The following MAP7 variants were observed in gnomAD, a reference collection of about 807,000 sequenced individuals.
MAP7 encodes microtubule associated protein 7, also known as ensconsin.
Under a neutral mutation model 94.8 loss-of-function variants are expected in MAP7, and 52 were observed. The ratio of observed to expected loss-of-function variants is 0.55; its 90% CI spans 0.44 to 0.69. The LOEUF (loss-of-function observed/expected upper bound fraction) is 0.69, where lower values mean the gene tolerates loss of function less well. Among genes scored for constraint, MAP7 ranks in the 30% least tolerant of loss-of-function variants. MAP7 has a pLI of 0.00. For synonymous variants in MAP7, 350 were observed against 357.0 expected (o/e 0.98, Z 0.22); for missense variants, 940 against 964.6 (o/e 0.97, Z 0.34).
intron 1 of MAP7, among the ~76,000 whole-genome samples, chr6:136,547,703 T>C (rs911628818): frequency 3.9e-5 from 6 of 152,174 alleles, no homozygotes; most frequent in South Asian, 2.1e-4. Context: ...TTTGAGAATA[T>C]ATACCCACAG....
chr6:136,548,753 T>C (rs9376198), intron 1 of MAP7, among the ~76,000 whole-genome samples: 8,076 of 152,300 alleles, frequency 0.053, 466 homozygotes, highest in African/African-American at 0.14. Flanking sequence ...AGAAAGTTTA[T>C]TTTTGAGCAC....
intron 7 of MAP7, among the ~76,000 whole-genome samples, chr6:136,372,898 T>C (rs1002576727): frequency 6.6e-6 from 1 of 152,210 alleles, no homozygotes; most frequent in African/African-American, 2.4e-5. Flanking sequence ...TTTGGCTCTT[T>C]AAATACTAAT....
chr6:136,363,109 A>G (rs1793310262), intron 10 of MAP7, among the ~76,000 whole-genome samples: 2 of 152,238 alleles, frequency 1.3e-5, no homozygotes, highest in Non-Finnish European at 2.9e-5. Context: ...CTAGAGCAGC[A>G]TCCTCAGCAT....
At chr6:136,492,480 T>C (rs1294114105) in intron 1 of MAP7, among the ~76,000 whole-genome samples, 1 of 152,222 alleles carries the variant, frequency 6.6e-6, no homozygotes, top group African/African-American at 2.4e-5. Context: ...AAGTATGTGA[T>C]TTAAAAACAC....
chr6:136,439,605 T>TC (rs1426626367), intron 1 of MAP7, among the ~76,000 whole-genome samples: 1 of 152,182 alleles, frequency 6.6e-6, no homozygotes, highest in Admixed American at 6.5e-5. Flanking sequence ...ATGAGTCAGC[T>TC]CTACCACCCT....
intron 1 of MAP7, among the ~76,000 whole-genome samples, chr6:136,479,804 A>G (rs1186768564): frequency 1.3e-5 from 2 of 152,202 alleles, no homozygotes; most frequent in Non-Finnish European, 2.9e-5. Context: ...AGTGAAAGAT[A>G]TCTTCAAGTA....
intron 2 of MAP7, among the ~76,000 whole-genome samples, chr6:136,418,434 C>T (rs1240744916): frequency 6.6e-6 from 1 of 152,154 alleles, no homozygotes; most frequent in African/African-American, 2.4e-5. Flanking sequence ...AGGTTGGTCT[C>T]GAACTCCTGG....
chr6:136,450,876 C>T (rs1800905715), intron 1 of MAP7, among the ~76,000 whole-genome samples: 1 of 152,156 alleles, frequency 6.6e-6, no homozygotes, highest in Non-Finnish European at 1.5e-5. Flanking sequence ...AAGGTTACTG[C>T]TGGTGGGGCT....
chr6:136,374,168 T>C (rs1428806486), intron 7 of MAP7, among the ~76,000 whole-genome samples: 1 of 152,236 alleles, frequency 6.6e-6, no homozygotes, highest in African/African-American at 2.4e-5. Flanking sequence ...AAATAATATA[T>C]GTACGTCTTA....
chr6:136,456,870 A>AGAG (rs1803396185), intron 1 of MAP7, among the ~76,000 whole-genome samples: 32 of 140,942 alleles, frequency 2.3e-4, no homozygotes, highest in South Asian at 1.5e-3. Context: ...AAGAAGAAGA[A>AGAG]GAAATACTTC....
intron 1 of MAP7, among the ~76,000 whole-genome samples, chr6:136,471,977 C>T (rs1386881277): frequency 6.6e-6 from 1 of 152,098 alleles, no homozygotes; most frequent in Non-Finnish European, 1.5e-5. Flanking sequence ...TCTTATGGAA[C>T]ATTTCAGCAA....
intron 1 of MAP7, among the ~76,000 whole-genome samples, chr6:136,449,629 C>T (rs1000616005): frequency 6.6e-6 from 1 of 152,230 alleles, no homozygotes. Flanking sequence ...TGTCTGTTTA[C>T]AGATCCAGTT....
rs1451106627 is a variant in MAP7 at position 136,360,839 on chromosome 6, G to T, written c.1702-41C>A. 5.0e-6 allele frequency: 8 copies of T among 1,600,888 alleles called. No homozygotes were observed. In the Admixed American group the frequency reaches 1.2e-4, roughly 23 times the overall value. ...CGGCGTCTGCCTCTGACAAACAGGC[G>T]GGCTGCCCGGGTCTCCCAGGGGGTG... On this transcript the variant is annotated intron_variant, in intron 12 of 17. Transcript: ENST00000354570.
At chr6:136,360,136 G>T (rs1382611301) in intron 13 of MAP7, 105 bp from the exon 14 acceptor site, 6 of 934,884 alleles carry the variant, frequency 6.4e-6, no homozygotes, top group African/African-American at 1.7e-5. Flanking sequence ...TGTTATTTTG[G>T]AAAAATACAA....
At chr6:136,483,509 A>T (rs1003468612) in intron 1 of MAP7, among the ~76,000 whole-genome samples, 1 of 152,188 alleles carries the variant, frequency 6.6e-6, no homozygotes, top group African/African-American at 2.4e-5. Context: ...TTGATATAAA[A>T]GTATTTTACA....
intron 1 of MAP7, among the ~76,000 whole-genome samples, chr6:136,519,474 A>G (rs925545333): frequency 5.9e-5 from 9 of 152,250 alleles, no homozygotes; most frequent in Non-Finnish European, 1.0e-4. Flanking sequence ...AGAGGCATTC[A>G]TATTTCTTAT....
At position 136,418,622 on chromosome 6, in the gene MAP7, G is replaced by A. The variant is rs78246078; in HGVS notation, c.166+3079C>T. Among the ~76,000 whole-genome samples the A allele has an allele frequency of 4.4e-3, 669 of 152,246 alleles. 6 individuals carry two copies. The highest frequency in any genetic ancestry group is 0.015 in the African/African-American group (638 of 41,540). On this transcript the variant is annotated intron_variant, in intron 2 of 17. Transcript: ENST00000354570. ...TTCTAATGAGTTTAAGTATCAGAAG[G>A]TAAAAGAGGAAAGAACATTTAGCTA... is the stretch of plus-strand genomic sequence containing the variant.
At chr6:136,444,930 G>C (rs1466572372) in intron 1 of MAP7, among the ~76,000 whole-genome samples, 1 of 152,142 alleles carries the variant, frequency 6.6e-6, no homozygotes, top group African/African-American at 2.4e-5. Context: ...TTCTGAAAGA[G>C]GTCTGACCCT....
At chr6:136,441,510 G>A (rs991951943) in intron 1 of MAP7, among the ~76,000 whole-genome samples, 1 of 152,038 alleles carries the variant, frequency 6.6e-6, no homozygotes, top group Non-Finnish European at 1.5e-5. Context: ...TGTTCATTTT[G>A]CCATTAAATT....
Sources: allele counts gnomAD v4.1 joint callset (sites outside exome capture counted in the v4.1 genomes callset), GRCh38; gene constraint gnomAD v4.1.1; transcripts MANE v1.5; gene names NCBI Gene and HGNC (gene_info 2026-07-23, HGNC 2026-07-21).